DLGAP2: variants seen among roughly 807,000 people sequenced by gnomAD.
DLGAP2 encodes DLG associated protein 2, also known as disks large-associated protein 2.
Under a neutral mutation model 100.3 loss-of-function variants are expected in DLGAP2, and 26 were observed. The observed-to-expected ratio is 0.26, with a 90% CI of 0.19 to 0.36. The LOEUF (loss-of-function observed/expected upper bound fraction) is 0.36. Ranked by LOEUF, DLGAP2 falls within the 10% of genes least tolerant of loss-of-function variation. DLGAP2 has a pLI of 1.00. For missense variants in DLGAP2, 1,858 were observed against 1,453.2 expected, an observed-to-expected ratio of 1.28 and a Z score of -4.53; for synonymous variants, 886 against 630.1, an observed-to-expected ratio of 1.41 and a Z score of -6.08.
intron 3 of DLGAP2, among the ~76,000 whole-genome samples, chr8:1,419,283 A>G (rs1797026943): frequency 7.6e-6 from 1 of 130,982 alleles, no homozygotes; most frequent in African/African-American, 3.1e-5. Flanking sequence ...ACTCACAGTA[A>G]TTGTACATAT....
intron 8 of DLGAP2, among the ~76,000 whole-genome samples, chr8:1,637,972 T>A (rs546779322): frequency 6.6e-6 from 1 of 152,240 alleles, no homozygotes; most frequent in Admixed American, 6.5e-5. Flanking sequence ...GGTGCCAGCC[T>A]GAAGTAATGA....
chr8:1,445,588 C>G (rs904278979), intron 3 of DLGAP2, among the ~76,000 whole-genome samples: 1 of 152,108 alleles, frequency 6.6e-6, no homozygotes, highest in African/African-American at 2.4e-5. Context: ...GATTTATAAT[C>G]CCTTGGGTAT....
chr8:971,479 C>G (rs866515981), intron 2 of DLGAP2, among the ~76,000 whole-genome samples: 1 of 152,210 alleles, frequency 6.6e-6, no homozygotes, highest in Non-Finnish European at 1.5e-5. Flanking sequence ...GTTACCACCA[C>G]TGGGAGAAGC....
intron 8 of DLGAP2, among the ~76,000 whole-genome samples, chr8:1,651,571 T>C (rs1179821329): frequency 6.6e-6 from 1 of 152,166 alleles, no homozygotes; most frequent in African/African-American, 2.4e-5. Context: ...CGTCCATCCC[T>C]TCTGGAATAT....
At chr8:1,586,577 C>A (rs1048103580) in intron 6 of DLGAP2, among the ~76,000 whole-genome samples, 1 of 152,220 alleles carries the variant, frequency 6.6e-6, no homozygotes, top group Admixed American at 6.5e-5. Context: ...CACCTGCAAC[C>A]TTCATGCCCG....
Position 1,456,466 on chromosome 8 carries a change from C to T in DLGAP2, c.107-44900C>T, listed in dbSNP as rs1307453384. Among the ~76,000 whole-genome samples, 6 of 152,304 alleles carry T rather than the reference C, an allele frequency of 3.9e-5. No homozygotes were observed. In the East Asian group the frequency reaches 1.2e-3, roughly 29 times the overall value. Reference sequence around the variant, plus strand: ...TTTGGTGTCTCCTTTGCTGCTTGCACACAGCGGATCAAGAATCTGCTGAAT... The same window carrying T: ...TTTGGTGTCTCCTTTGCTGCTTGCATACAGCGGATCAAGAATCTGCTGAAT... On this transcript the variant is annotated intron_variant, in intron 3 of 14. Coordinates refer to ENST00000637795, the MANE Select transcript of DLGAP2 (RefSeq NM_001346810.2).
At chr8:1,231,219 CAAAA>C (rs899781988) in intron 2 of DLGAP2, among the ~76,000 whole-genome samples, 42 of 152,068 alleles carry the variant, frequency 2.8e-4, no homozygotes, top group African/African-American at 9.4e-4. Context: ...TACATGTAGT[CAAAA>C]AACCCACGAA....
At position 1,330,815 on chromosome 8, in the gene DLGAP2, G is replaced by A. The variant is rs1377248250; in HGVS notation, c.106+71932G>A. Among the ~76,000 whole-genome samples the A allele has an allele frequency of 2.1e-5, 3 of 140,062 alleles. No homozygotes were observed. In the East Asian group the frequency reaches 6.4e-4, roughly 30 times the overall value. 91.9% of individuals were successfully genotyped at this position (140,062 alleles called of 152,430 possible). A position where few individuals can be genotyped will look rare whatever the true frequency, so the allele number is the denominator to read the frequency against. The stretch of plus-strand genomic sequence containing the variant: ...ACTGCTTCACGGGGACCGAGTTCTG[G>A]GTGGGACTGAGTTCTGGGTGGGAGC... On this transcript the variant is annotated intron_variant, in intron 3 of 14. Coordinates refer to ENST00000637795, the MANE Select transcript of DLGAP2 (RefSeq NM_001346810.2).
rs763257486 is a variant in DLGAP2, at chr8:1,654,661, CA to C, written c.1811-13650del. Among the ~76,000 whole-genome samples the C allele has an allele frequency of 9.8e-3, 911 of 92,656 alleles. 3 individuals are homozygous for C. Among genetic ancestry groups the C allele is most frequent in the African/African-American group, 0.025 (565 of 22,200 alleles). The allele number at this position is 92,656 out of a possible 152,430, so 60.8% of individuals were successfully genotyped here. A position where few individuals can be genotyped will look rare whatever the true frequency, so the allele number is the denominator to read the frequency against. ...GGGTGACAAGAGTGAAACTCCGTCTCAAAAAAAAAAAAAAAAAAGAATTGGA... is the reference window on the plus strand; with the variant it reads ...GGGTGACAAGAGTGAAACTCCGTCTCAAAAAAAAAAAAAAAAAGAATTGGA... On this transcript the variant is annotated intron_variant, in intron 8 of 14. Coordinates refer to ENST00000637795, the MANE Select transcript of DLGAP2 (RefSeq NM_001346810.2).
chr8:1,310,441 C>T lies in DLGAP2; in HGVS notation c.106+51558C>T, dbSNP rs144931283. Among the ~76,000 whole-genome samples, 5 of 152,188 alleles carry T rather than the reference C, an allele frequency of 3.3e-5. No homozygotes were observed. In the East Asian group the frequency reaches 9.7e-4, roughly 29 times the overall value. On this transcript the variant is annotated intron_variant, in intron 3 of 14. Coordinates refer to ENST00000637795, the MANE Select transcript of DLGAP2 (RefSeq NM_001346810.2). ...ATCATAGCTGGAGGCTGGAATGAAC[C>T]ACTTTCAATAGTAAGCAGGACGTCT...
At chr8:1,568,281 C>T (rs1802492675) in intron 6 of DLGAP2, among the ~76,000 whole-genome samples, 1 of 64,614 alleles carries the variant, frequency 1.5e-5, no homozygotes, top group Non-Finnish European at 3.2e-5. Flanking sequence ...TCAGCAGACA[C>T]AAATCCGTCT....
chr8:876,395 T>C (rs1585961990), intron 1 of DLGAP2, among the ~76,000 whole-genome samples: 1 of 152,224 alleles, frequency 6.6e-6, no homozygotes, highest in East Asian at 1.9e-4. Flanking sequence ...ATAGGTTTTC[T>C]GGATACAGCA....
chr8:1,618,178 G>A (rs1797219100), intron 6 of DLGAP2, among the ~76,000 whole-genome samples: 1 of 152,082 alleles, frequency 6.6e-6, no homozygotes, highest in Non-Finnish European at 1.5e-5. Flanking sequence ...TAGGTTCCAG[G>A]TTTATTCTTA....
chr8:1,418,364 C>T (rs1416855288), intron 3 of DLGAP2, among the ~76,000 whole-genome samples: 1 of 152,280 alleles, frequency 6.6e-6, no homozygotes, highest in South Asian at 2.1e-4. Context: ...TATTCAGTAT[C>T]CTCAAGTCAT....
chr8:1,296,583 A>T (rs117486396), intron 3 of DLGAP2, among the ~76,000 whole-genome samples: 3,529 of 152,268 alleles, frequency 0.023, 75 homozygotes, highest in Non-Finnish European at 0.036. Flanking sequence ...TATATGAATA[A>T]ATATTTTTCT....
chr8:1,234,796 C>A (rs1798608178), intron 2 of DLGAP2, among the ~76,000 whole-genome samples: 1 of 152,200 alleles, frequency 6.6e-6, no homozygotes, highest in African/African-American at 2.4e-5. Context: ...TGGGGCCTTT[C>A]ATGTGCCCTC....
At chr8:941,932 T>C (rs2129005413) in intron 2 of DLGAP2, among the ~76,000 whole-genome samples, 1 of 152,270 alleles carries the variant, frequency 6.6e-6, no homozygotes, top group Non-Finnish European at 1.5e-5. Context: ...CCGGAGGTTT[T>C]GGCTGGGAAG....
chr8:1,149,052 G>A (rs1398593654), intron 2 of DLGAP2, among the ~76,000 whole-genome samples: 1 of 152,038 alleles, frequency 6.6e-6, no homozygotes, highest in African/African-American at 2.4e-5. Flanking sequence ...GTCAATTTTT[G>A]CATCTGATAT....
intron 2 of DLGAP2, among the ~76,000 whole-genome samples, chr8:1,081,256 C>G (rs1270687184): frequency 1.3e-5 from 2 of 152,216 alleles, no homozygotes; most frequent in South Asian, 4.1e-4. Context: ...CTTACAGGTT[C>G]CTGCACTTAG....
Sources: gnomAD v4.1 joint callset for allele counts (sites outside exome capture counted in the v4.1 genomes callset) on GRCh38, gnomAD v4.1.1 for gene constraint, MANE v1.5 for transcripts, NCBI Gene and HGNC (gene_info 2026-07-23, HGNC 2026-07-21) for gene names.